BRWD1: variants seen among roughly 807,000 people sequenced by gnomAD.
BRWD1 encodes bromodomain and WD repeat domain containing 1.
Under a neutral mutation model 251.2 loss-of-function variants are expected in BRWD1, and 82 were observed. The observed-to-expected ratio is 0.33, with a 90% CI of 0.27 to 0.39. The LOEUF (loss-of-function observed/expected upper bound fraction) is 0.39. Among genes scored for constraint, BRWD1 ranks in the 10% least tolerant of loss-of-function variants. The pLI, the probability that BRWD1 is intolerant of heterozygous loss-of-function variation, is 1.00. For synonymous variants in BRWD1, 918 were observed against 902.8 expected, an observed-to-expected ratio of 1.02 and a Z score of -0.30; for missense variants, 2,233 against 2,711.6, an observed-to-expected ratio of 0.82 and a Z score of 3.92.
intron 15 of BRWD1, 75 bp from the exon 16 acceptor site, chr21:39,265,094 G>T: frequency 2.1e-6 from 3 of 1,407,546 alleles, no homozygotes; most frequent in Non-Finnish European, 2.9e-6. Flanking sequence ...TTTTAATGTG[G>T]ATAACCTGTG....
In BRWD1 at chr21:39,193,788, T is replaced by C; in HGVS notation, c.*2471A>G. On this transcript the variant is annotated 3_prime_UTR_variant, in exon 41 of 41. Coordinates refer to ENST00000342449, the MANE Select transcript of BRWD1 (RefSeq NM_033656.4). ...AAATCCCTGGGCATTTTGCATAACG[T>C]AGAAAAAAAAGGCCAAACATGTTCT... 2.0e-6 allele frequency: 2 copies of C among 985,434 alleles called. No homozygotes were observed. The highest frequency in any genetic ancestry group is 2.4e-6 in the Non-Finnish European group (2 of 829,652). 61.0% of individuals were successfully genotyped at this position (985,434 alleles called of 1,614,324 possible).
intron 20 of BRWD1, among the ~76,000 whole-genome samples, chr21:39,249,760 G>A (rs186945694): frequency 2.0e-5 from 3 of 152,102 alleles, no homozygotes; most frequent in Non-Finnish European, 4.4e-5. Context: ...TGAGTTTCAC[G>A]AGTGATAATA....
At chr21:39,296,823 C>T (rs1396167165) in intron 5 of BRWD1, 8 of 974,050 alleles carry the variant, frequency 8.2e-6, no homozygotes, top group Non-Finnish European at 6.1e-6. Flanking sequence ...TTATATCATA[C>T]AATACTAAAG....
At chr21:39,265,054 T>C (rs1460739162) in intron 15 of BRWD1, 35 bp from the exon 16 acceptor site, 3 of 1,598,168 alleles carry the variant, frequency 1.9e-6, no homozygotes, top group Non-Finnish European at 2.6e-6. Flanking sequence ...TTAGGACCAA[T>C]TCTATGCAAG....
intron 37 of BRWD1, among the ~76,000 whole-genome samples, chr21:39,205,112 C>T (rs914979851): frequency 6.6e-6 from 1 of 152,072 alleles, no homozygotes; most frequent in African/African-American, 2.4e-5. Context: ...AGCTATAAAA[C>T]CCATGACTAG....
intron 13 of BRWD1, among the ~76,000 whole-genome samples, chr21:39,270,639 C>T (rs1266674928): frequency 6.6e-6 from 1 of 152,188 alleles, no homozygotes; most frequent in Non-Finnish European, 1.5e-5. Context: ...AATTTAGAAA[C>T]AGTACAGAGA....
intron 7 of BRWD1, among the ~76,000 whole-genome samples, chr21:39,294,737 T>C (rs956413806): frequency 4.0e-5 from 6 of 151,634 alleles, no homozygotes; most frequent in African/African-American, 1.2e-4. Context: ...CTATACTTCA[T>C]AGTGTGAGAA....
chr21:39,217,779 A>T (rs1423802311), intron 31 of BRWD1, among the ~76,000 whole-genome samples: 1 of 152,232 alleles, frequency 6.6e-6, no homozygotes, highest in Non-Finnish European at 1.5e-5. Flanking sequence ...AGAAAAACAA[A>T]CAACTGTTTC....
At chr21:39,259,671 G>A (rs1464236016) in intron 17 of BRWD1, among the ~76,000 whole-genome samples, 2 of 151,496 alleles carry the variant, frequency 1.3e-5, no homozygotes, top group Non-Finnish European at 2.9e-5. Flanking sequence ...AGTCTCTACT[G>A]AAAATACAAA....
In BRWD1 at chr21:39,189,161, A is replaced by G. The variant is rs1316978194; in HGVS notation, c.*7098T>C. ...GCTACAAAGGGTAAACAAAAATTTT[A>G]AAATATGCAAAATTAAGGTGAAATT... is the stretch of plus-strand genomic sequence containing the variant. On this transcript the variant is annotated 3_prime_UTR_variant, in exon 41 of 41. Transcript: ENST00000342449. The G allele has an allele frequency of 1.0e-6, 1 of 984,138 alleles. No individual in the cohort carries two copies. The highest frequency in any genetic ancestry group is 1.7e-5 in the African/African-American group (1 of 57,222). 61.0% of individuals were successfully genotyped at this position (984,138 alleles called of 1,614,324 possible). A position where few individuals can be genotyped will look rare whatever the true frequency, so the allele number is the denominator to read the frequency against.
At chr21:39,236,874 G>T in intron 22 of BRWD1, 90 bp from the exon 23 acceptor site, 1 of 1,153,350 alleles carries the variant, frequency 8.7e-7, no homozygotes, top group Non-Finnish European at 1.2e-6. Flanking sequence ...AACAGAGAGA[G>T]GAGAAAAAGG....
chr21:39,268,615 A>G (rs549271575), intron 15 of BRWD1, among the ~76,000 whole-genome samples: 2 of 152,254 alleles, frequency 1.3e-5, no homozygotes, highest in South Asian at 4.1e-4. Flanking sequence ...CTGTAACAAT[A>G]CTTGCTAATA....
At chr21:39,266,532 C>T (rs2034927458) in intron 15 of BRWD1, among the ~76,000 whole-genome samples, 1 of 152,106 alleles carries the variant, frequency 6.6e-6, no homozygotes, top group African/African-American at 2.4e-5. Flanking sequence ...GCAACTCTGC[C>T]CATCATACAT....
chr21:39,300,641 A>G (rs2036084561), intron 4 of BRWD1, among the ~76,000 whole-genome samples: 1 of 152,202 alleles, frequency 6.6e-6, no homozygotes, highest in African/African-American at 2.4e-5. Flanking sequence ...AGGTAAATAC[A>G]TTACTGCAGC....
At chr21:39,290,498 A>G (rs548433347) in intron 8 of BRWD1, among the ~76,000 whole-genome samples, 1 of 152,136 alleles carries the variant, frequency 6.6e-6, no homozygotes, top group Non-Finnish European at 1.5e-5. Context: ...CTCAAAAAAA[A>G]AAAAAAAAAA....
At position 39,187,021 on chromosome 21, in the gene BRWD1, A is replaced by C. The variant is rs1171102249; in HGVS notation, c.*9238T>G. 1 of 1,542,660 alleles carries C rather than the reference A, an allele frequency of 6.5e-7. No homozygotes were observed. The highest frequency in any genetic ancestry group is 1.4e-5 in the African/African-American group (1 of 72,164). ...TCAGATGCCACTTCTACATTCTCAT[A>C]GTCACTATTGTGCATTTTCTTTCCA... On this transcript the variant is annotated 3_prime_UTR_variant, in exon 41 of 41. Coordinates refer to ENST00000342449, the MANE Select transcript of BRWD1 (RefSeq NM_033656.4).
At chr21:39,306,644 G>T (rs1009874110) in intron 4 of BRWD1, among the ~76,000 whole-genome samples, 3 of 152,122 alleles carry the variant, frequency 2.0e-5, no homozygotes, top group African/African-American at 7.2e-5. Flanking sequence ...TGTATCATTA[G>T]AAAACTCATT....
At position 39,188,613 on chromosome 21, in the gene BRWD1, GGACT is replaced by G. The variant is rs1362212928; in HGVS notation, c.*7642_*7645del. 6 of 985,250 alleles carry G rather than the reference GGACT, an allele frequency of 6.1e-6. No homozygotes were observed. The African/African-American group carries it at 1.0e-4, about 17-fold the overall frequency. 61.0% of individuals were successfully genotyped at this position (985,250 alleles called of 1,614,324 possible). A position where few individuals can be genotyped will look rare whatever the true frequency, so the allele number is the denominator to read the frequency against. ...GAGTACAGGTAAAAACTGCTTCTGTGGACTGACATGTTCATACAGCTAGACTAAT... is the reference window on the plus strand; with the variant it reads ...GAGTACAGGTAAAAACTGCTTCTGTGGACATGTTCATACAGCTAGACTAAT... On this transcript the variant is annotated 3_prime_UTR_variant, in exon 41 of 41. Transcript: ENST00000342449.
intron 23 of BRWD1, chr21:39,235,762 G>T: frequency 5.6e-6 from 1 of 179,740 alleles, no homozygotes; most frequent in South Asian, 1.3e-4. Flanking sequence ...ACAGTCACAT[G>T]AGCACCCAGC....
Sources: gnomAD v4.1 joint callset for allele counts (sites outside exome capture counted in the v4.1 genomes callset) on GRCh38, gnomAD v4.1.1 for gene constraint, MANE v1.5 for transcripts, NCBI Gene and HGNC (gene_info 2026-07-23, HGNC 2026-07-21) for gene names.